The following LRMDA variants were observed in gnomAD, a reference collection of about 807,000 sequenced individuals.
LRMDA encodes leucine-rich melanocyte differentiation-associated protein.
In LRMDA, 18 loss-of-function variants were observed where a neutral mutation model predicts 29.8. The ratio of observed to expected loss-of-function variants is 0.60; its 90% CI spans 0.42 to 0.90. The LOEUF is 0.90. Among genes scored for constraint, LRMDA ranks in the 40% least tolerant of loss-of-function variants. LRMDA has a pLI of 0.00. For synonymous variants in LRMDA, 125 were observed against 109.4 expected (o/e 1.14, Z -0.89); for missense variants, 273 against 273.9 (o/e 1.00, Z 0.02).
chr10:75,467,956 TCACACACACACACACACA>T (rs61295526), intron 2 of LRMDA, among the ~76,000 whole-genome samples: 82 of 130,058 alleles, frequency 6.3e-4, no homozygotes, highest in Middle Eastern at 3.7e-3. Flanking sequence ...TGAGACTCCG[TCACACACACACACACACA>T]CACACACACA....
intron 5 of LRMDA, among the ~76,000 whole-genome samples, chr10:76,171,758 C>A (rs1488527505): frequency 6.6e-6 from 1 of 152,148 alleles, no homozygotes; most frequent in Non-Finnish European, 1.5e-5. Flanking sequence ...CTGCTCCAAG[C>A]CATGATATAA....
At chr10:75,762,138 G>A (rs907763091) in intron 2 of LRMDA, among the ~76,000 whole-genome samples, 1 of 152,142 alleles carries the variant, frequency 6.6e-6, no homozygotes. Flanking sequence ...AGGATCTCAA[G>A]GTTTTATCTC....
At chr10:75,849,255 T>C (rs1197139002) in intron 2 of LRMDA, among the ~76,000 whole-genome samples, 5 of 152,142 alleles carry the variant, frequency 3.3e-5, no homozygotes, top group Non-Finnish European at 7.3e-5. Context: ...TTTCTTCTTA[T>C]GTAGATACTT....
At chr10:75,707,861 C>T (rs1842388973) in intron 2 of LRMDA, among the ~76,000 whole-genome samples, 2 of 152,088 alleles carry the variant, frequency 1.3e-5, no homozygotes, top group African/African-American at 4.8e-5. Context: ...TTTTTTGCCT[C>T]ACCCTGATGA....
intron 2 of LRMDA, among the ~76,000 whole-genome samples, chr10:75,840,540 C>T (rs1844520909): frequency 6.6e-6 from 1 of 152,188 alleles, no homozygotes; most frequent in South Asian, 2.1e-4. Context: ...GTCTGTGAAG[C>T]TGTATCTGTT....
intron 5 of LRMDA, among the ~76,000 whole-genome samples, chr10:76,323,283 C>G (rs992374146): frequency 1.3e-5 from 2 of 152,058 alleles, no homozygotes; most frequent in African/African-American, 4.8e-5. Flanking sequence ...GTTTTTCTAG[C>G]AAGTAGGTCT....
intron 6 of LRMDA, among the ~76,000 whole-genome samples, chr10:76,462,094 A>ACAC (rs1564548244): frequency 7.1e-6 from 1 of 141,264 alleles, no homozygotes; most frequent in Admixed American, 7.1e-5. Flanking sequence ...CACACACACA[A>ACAC]AAACAACAAC....
chr10:75,682,403 T>G (rs568919855), intron 2 of LRMDA, among the ~76,000 whole-genome samples: 15 of 151,494 alleles, frequency 9.9e-5, no homozygotes, highest in African/African-American at 3.4e-4. Flanking sequence ...TCTTAAGGAG[T>G]TAAAGCAACA....
intron 2 of LRMDA, among the ~76,000 whole-genome samples, chr10:75,855,960 T>G (rs925623511): frequency 7.2e-5 from 11 of 152,214 alleles, no homozygotes; most frequent in African/African-American, 2.7e-4. Flanking sequence ...CTGTTTTGGT[T>G]ACTGTAGCCT....
intron 2 of LRMDA, among the ~76,000 whole-genome samples, chr10:75,787,130 A>C (rs544158527): frequency 2.6e-5 from 4 of 152,124 alleles, no homozygotes; most frequent in Non-Finnish European, 5.9e-5. Context: ...GAGTGTCTCT[A>C]TCTTTTCTGG....
At chr10:76,319,420 G>T (rs969122592) in intron 5 of LRMDA, among the ~76,000 whole-genome samples, 4 of 152,182 alleles carry the variant, frequency 2.6e-5, no homozygotes, top group Non-Finnish European at 4.4e-5. Context: ...GTGTTTAGAT[G>T]TCATAATCAA....
At chr10:75,711,795 T>C (rs1842439210) in intron 2 of LRMDA, among the ~76,000 whole-genome samples, 1 of 152,094 alleles carries the variant, frequency 6.6e-6, no homozygotes, top group Non-Finnish European at 1.5e-5. Context: ...TGTTGCTAGG[T>C]AACTATTTTT....
chr10:76,293,764 G>T (rs185058355), intron 5 of LRMDA, among the ~76,000 whole-genome samples: 47 of 152,246 alleles, frequency 3.1e-4, no homozygotes, highest in Non-Finnish European at 6.2e-4. Context: ...TAGGATTCCA[G>T]CTGGGCTATG....
chr10:75,826,881 G>A (rs149912713), intron 2 of LRMDA, among the ~76,000 whole-genome samples: 3 of 152,206 alleles, frequency 2.0e-5, no homozygotes, highest in African/African-American at 7.2e-5. Flanking sequence ...TTTCATTTGT[G>A]TATTTTATGT....
At chr10:75,432,237 T>C (rs1158918000) in intron 1 of LRMDA, among the ~76,000 whole-genome samples, 1 of 152,256 alleles carries the variant, frequency 6.6e-6, no homozygotes, top group Admixed American at 6.5e-5. Flanking sequence ...CAAAAGTGTC[T>C]AGGGTACCCA....
At chr10:76,198,576 T>C (rs1317614313) in intron 5 of LRMDA, among the ~76,000 whole-genome samples, 4 of 152,186 alleles carry the variant, frequency 2.6e-5, no homozygotes, top group African/African-American at 9.6e-5. Context: ...TGTTTATAAC[T>C]TACAGGTCTT....
intron 2 of LRMDA, among the ~76,000 whole-genome samples, chr10:75,551,768 G>C (rs901809133): frequency 6.6e-6 from 1 of 152,100 alleles, no homozygotes; most frequent in African/African-American, 2.4e-5. Context: ...GCTGGGCACT[G>C]TGGCTTATGC....
At chr10:76,186,374 C>G (rs1313730531) in intron 5 of LRMDA, among the ~76,000 whole-genome samples, 1 of 152,194 alleles carries the variant, frequency 6.6e-6, no homozygotes, top group Non-Finnish European at 1.5e-5. Context: ...GTTCTTTTGT[C>G]AAAGGACTGT....
chr10:76,420,975 T>G (rs1842066090), intron 6 of LRMDA, among the ~76,000 whole-genome samples: 1 of 152,178 alleles, frequency 6.6e-6, no homozygotes, highest in Non-Finnish European at 1.5e-5. Flanking sequence ...TTGTGCAATG[T>G]CTTTAGTCCT....
Sources: gnomAD v4.1 joint callset for allele counts (sites outside exome capture counted in the v4.1 genomes callset) on GRCh38, gnomAD v4.1.1 for gene constraint, MANE v1.5 for transcripts, NCBI Gene and HGNC (gene_info 2026-07-23, HGNC 2026-07-21) for gene names.